Variants in HUWE1 observed in about 807,000 individuals in gnomAD.
HUWE1 encodes the protein HECT, UBA and WWE domain containing E3 ubiquitin protein ligase 1.
A neutral mutation model predicts 299.4 loss-of-function variants in HUWE1; 18 were observed. That is an observed-to-expected ratio of 0.06 (90% CI 0.04 to 0.09). The LOEUF is 0.09. Ranked by LOEUF, HUWE1 falls within the 10% of genes least tolerant of loss-of-function variation. The pLI is 1.00. For missense variants in HUWE1, 1,832 were observed against 3,462.3 expected (o/e 0.53, Z 11.82); for synonymous variants, 1,317 against 1,286.1 (o/e 1.02, Z -0.51).
intron 45 of HUWE1, 116 bp downstream of exon 45, chrX:53,575,527 T>A (rs1556957780): frequency 2.4e-6 from 2 of 842,555 alleles, no homozygotes; most frequent in East Asian, 6.8e-5. Context: ...ACAGATAATT[T>A]ACAGATACAT....
intron 5 of HUWE1, 105 bp from the exon 6 acceptor site, chrX:53,647,679 A>G: frequency 1.6e-6 from 1 of 621,024 alleles, no homozygotes; most frequent in Non-Finnish European, 2.8e-6. Flanking sequence ...TGACACCTAG[A>G]CAAGTTCACG....
intron 23 of HUWE1, among the ~76,000 whole-genome samples, chrX:53,611,224 T>G: frequency 9.6e-6 from 1 of 103,768 alleles, no homozygotes; most frequent in Middle Eastern, 5.1e-3. Context: ...GGGTAGTGTC[T>G]AAGCCTGGAA....
Position 53,629,674 on chromosome X carries a change from A to G in HUWE1, c.863-58T>C, listed in dbSNP as rs781936923. 6 of 761,099 alleles carry G rather than the reference A, an allele frequency of 7.9e-6. No homozygotes were observed. The East Asian group carries it at 1.3e-4, about 16-fold the overall frequency. 62.7% of individuals were successfully genotyped at this position (761,099 alleles called of 1,213,427 possible). A position where few individuals can be genotyped will look rare whatever the true frequency, so the allele number is the denominator to read the frequency against. On this transcript the variant is annotated intron_variant, in intron 12 of 83. Coordinates refer to ENST00000262854, the MANE Select transcript of HUWE1 (RefSeq NM_031407.7). ...AAGGCAGTGGTCAAGCCACTGCCCAATAACAAACTTTTTGGTATCTATAGG... is the reference window on the plus strand; with the variant it reads ...AAGGCAGTGGTCAAGCCACTGCCCAGTAACAAACTTTTTGGTATCTATAGG...
rs188749685 is a variant in HUWE1, at chrX:53,629,438, C to G, written c.963+78G>C. ...GTATATGCAAATATCCCCTCCCCCC[C>G]CAAAAAAGTCTCAAATCCAAAATAC... On this transcript the variant is annotated intron_variant, in intron 13 of 83. Transcript: ENST00000262854. 7.7e-3 allele frequency: 5,148 copies of G among 668,549 alleles called. 27 individuals carry two copies. The highest frequency in any genetic ancestry group is 1.0e-2 in the Non-Finnish European group (4,034 of 405,203). The allele number at this position is 668,549 out of a possible 1,213,427, so 55.1% of individuals were successfully genotyped here. A position where few individuals can be genotyped will look rare whatever the true frequency, so the allele number is the denominator to read the frequency against.
chrX:53,659,877 A>T (rs913439703), intron 3 of HUWE1, among the ~76,000 whole-genome samples: 7 of 112,362 alleles, frequency 6.2e-5, no homozygotes, highest in South Asian at 3.7e-4. Context: ...TTTTAAAAAA[A>T]CAATCCTCCA....
chrX:53,556,481 T>C, intron 60 of HUWE1: 1 of 298,764 alleles, frequency 3.3e-6, no homozygotes. Context: ...TACAATCATT[T>C]TCCAACTCAA....
chrX:53,591,870 C>T (rs782742363), intron 33 of HUWE1, among the ~76,000 whole-genome samples: 19 of 112,035 alleles, frequency 1.7e-4, no homozygotes, highest in African/African-American at 6.2e-4. Flanking sequence ...GGACTCCAGA[C>T]ATAAAAGCTG....
chrX:53,630,523 C>T (rs2066803876), intron 12 of HUWE1, among the ~76,000 whole-genome samples: 1 of 110,537 alleles, frequency 9.0e-6, no homozygotes, highest in Non-Finnish European at 1.9e-5. Context: ...TACTGTGCCA[C>T]AGTAAAAGAA....
In HUWE1 at chrX:53,540,513, G is replaced by A. The variant is rs1051967381; in HGVS notation, c.11477-701C>T. 3.6e-5 allele frequency among the ~76,000 whole-genome samples: 4 copies of A among 111,542 alleles called. No homozygotes were observed. In the South Asian group the frequency reaches 1.1e-3, roughly 32 times the overall value. On this transcript the variant is annotated intron_variant, in intron 74 of 83. Coordinates refer to ENST00000262854, the MANE Select transcript of HUWE1 (RefSeq NM_031407.7). ...CCGGCTGATTTTTGTATTTTTAGTAGAGACTTGGTTTCACCATGTTGGTCA... is the reference window on the plus strand; with the variant it reads ...CCGGCTGATTTTTGTATTTTTAGTAAAGACTTGGTTTCACCATGTTGGTCA...
intron 7 of HUWE1, among the ~76,000 whole-genome samples, chrX:53,635,868 C>CCAGTCACAAAGGTACA (rs2067180374): frequency 1.4e-4 from 16 of 110,467 alleles, no homozygotes; most frequent in African/African-American, 5.3e-4. Flanking sequence ...ACAAAGGTAC[C>CCAGTCACAAAGGTACA]TACTATAGAA....
At position 53,547,962 on chromosome X, in the gene HUWE1, T is replaced by G. The variant is rs782770462; in HGVS notation, c.10347A>C (p.Leu3449Phe). 8.3e-7 allele frequency: 1 copy of G among 1,209,040 alleles called. No individual in the cohort carries two copies. Among genetic ancestry groups the G allele is most frequent in the East Asian group, 3.0e-5 (1 of 33,757 alleles). ...SHPVIRRSSL[L>F]TEKLLRLLSL... ...AAAGGAGTCTGAGGAGTTTCTCAGTTAAGAGAGAGCTCCGGCGGATGACTG... is the reference window on the plus strand; with the variant it reads ...AAAGGAGTCTGAGGAGTTTCTCAGTGAAGAGAGAGCTCCGGCGGATGACTG... Residue 3449 changes from leucine to phenylalanine, a missense_variant, in exon 68 of 84, where the codon TTA becomes TTC. Transcript: ENST00000262854.
intron 6 of HUWE1, among the ~76,000 whole-genome samples, chrX:53,646,350 G>A (rs1005068606): frequency 1.4e-4 from 16 of 110,649 alleles, no homozygotes; most frequent in African/African-American, 5.3e-4. Context: ...TAGCGATGGG[G>A]TCTCACTATG....
intron 3 of HUWE1, among the ~76,000 whole-genome samples, chrX:53,655,557 CCAA>C (rs1164425928): frequency 8.9e-6 from 1 of 112,151 alleles, no homozygotes; most frequent in Non-Finnish European, 1.9e-5. Flanking sequence ...ATGCCTGATG[CCAA>C]CAACCTCAAA....
Position 53,552,851 on chromosome X carries a change from G to A in HUWE1, c.8537C>T (p.Thr2846Met). 8.3e-7 allele frequency: 1 copy of A among 1,211,032 alleles called. No homozygotes were observed. Among genetic ancestry groups the A allele is most frequent in the Non-Finnish European group, 1.1e-6 (1 of 894,764 alleles). ...GCCTTCTAGCTGACTGCTGACAGCCGTCAGTGCATCAGAATCCTCAGCTCT... is the reference window on the plus strand; with the variant it reads ...GCCTTCTAGCTGACTGCTGACAGCCATCAGTGCATCAGAATCCTCAGCTCT... ...PERAEDSDAL[T>M]AVSSQLEGSP... Residue 2846 changes from threonine to methionine, a missense_variant, in exon 62 of 84, where the codon ACG becomes ATG. Around this residue, in one of 15 missense-constraint regions of HUWE1, gnomAD observed 143 missense variants for 148.1 expected, o/e 0.97. Coordinates refer to ENST00000262854, the MANE Select transcript of HUWE1 (RefSeq NM_031407.7).
At position 53,534,522 on chromosome X, in the gene HUWE1, A is replaced by G. The variant is rs1556910083; in HGVS notation, c.12825T>C (p.Ser4275=). 3.3e-6 allele frequency: 4 copies of G among 1,206,240 alleles called. No homozygotes were observed. The highest frequency in any genetic ancestry group is 3.0e-5 in the East Asian group (1 of 33,748). ...NTEYHKYQSN[S]IQIQWFWRAL... ...GATGCCAGCAGCAGCTCACCTGAATAGAGTTGGACTGGTACTTGTGGTATT... is the reference window on the plus strand; with the variant it reads ...GATGCCAGCAGCAGCTCACCTGAATGGAGTTGGACTGGTACTTGTGGTATT... Residue 4275 remains serine, a synonymous_variant, in exon 82 of 84, where the codon TCT becomes TCC. Transcript: ENST00000262854.
intron 3 of HUWE1, among the ~76,000 whole-genome samples, chrX:53,655,716 T>C (rs1410655074): frequency 2.7e-5 from 3 of 111,618 alleles, no homozygotes; most frequent in African/African-American, 9.8e-5. Flanking sequence ...TGTCACACTA[T>C]TGTCGCTTCA....
Position 53,533,191 on chromosome X carries a change from G to A in HUWE1, c.*118C>T. The stretch of plus-strand genomic sequence containing the variant: ...ATGGGGCAGCTGGGACACACACGGT[G>A]AGTTGGTGGATTTCATTTATTGGTT... On this transcript the variant is annotated 3_prime_UTR_variant, in exon 84 of 84. Coordinates refer to ENST00000262854, the MANE Select transcript of HUWE1 (RefSeq NM_031407.7). 3 of 518,155 alleles carry A rather than the reference G, an allele frequency of 5.8e-6. No homozygotes were observed. Among genetic ancestry groups the A allele is most frequent in the Middle Eastern group, 3.3e-4 (1 of 3,009 alleles). The allele number at this position is 518,155 out of a possible 1,213,427, so 42.7% of individuals were successfully genotyped here.
At chrX:53,564,979 G>C in intron 50 of HUWE1, 88 bp downstream of exon 50, 1 of 1,015,980 alleles carries the variant, frequency 9.8e-7, no homozygotes, top group African/African-American at 1.9e-5. Flanking sequence ...AGTTCCCAGG[G>C]AAACACCACC....
At chrX:53,539,185 A>C in intron 75 of HUWE1, 105 bp from the exon 76 acceptor site, 1 of 915,184 alleles carries the variant, frequency 1.1e-6, no homozygotes, top group Non-Finnish European at 1.5e-6. Context: ...AGGAAGAAGA[A>C]ATAGTGAAAA....
Sources: gnomAD v4.1 joint callset for allele counts (sites outside exome capture counted in the v4.1 genomes callset) on GRCh38, gnomAD v4.1.1 for gene constraint, gnomAD v4.1.1 regional missense constraint, MANE v1.5 for transcripts, NCBI Gene and HGNC (gene_info 2026-07-23, HGNC 2026-07-21) for gene names.